Variants in FRMD3 observed in about 807,000 individuals in gnomAD.
The protein encoded by FRMD3 is FERM domain-containing protein 3.
A neutral mutation model predicts 70.2 loss-of-function variants in FRMD3; 33 were observed. The observed-to-expected ratio is 0.47, with a 90% CI of 0.36 to 0.63. FRMD3 has a LOEUF of 0.63. Among genes scored for constraint, FRMD3 ranks in the 20% least tolerant of loss-of-function variants. The pLI is 0.00. For missense variants in FRMD3, 632 were observed against 711.4 expected (o/e 0.89, Z 1.27); for synonymous variants, 279 against 255.9 (o/e 1.09, Z -0.86).
chr9:83,494,155 CT>C (rs1828889342), intron 1 of FRMD3, among the ~76,000 whole-genome samples: 1 of 152,218 alleles, frequency 6.6e-6, no homozygotes, highest in Admixed American at 6.5e-5. Flanking sequence ...CTGGGAAAGG[CT>C]AAGCCAACCC....
At chr9:83,401,524 T>C (rs950220001) in intron 1 of FRMD3, among the ~76,000 whole-genome samples, 1 of 152,200 alleles carries the variant, frequency 6.6e-6, no homozygotes, top group African/African-American at 2.4e-5. Context: ...TAGGCTAGAT[T>C]AAGCTGCAGT....
At chr9:83,416,131 C>T (rs1035830956) in intron 1 of FRMD3, among the ~76,000 whole-genome samples, 1 of 152,228 alleles carries the variant, frequency 6.6e-6, no homozygotes, top group Non-Finnish European at 1.5e-5. Context: ...GCACAGCACA[C>T]TTCCAGAGCT....
chr9:83,304,600 A>G (rs962186275), intron 10 of FRMD3, among the ~76,000 whole-genome samples: 1 of 152,254 alleles, frequency 6.6e-6, no homozygotes, highest in Non-Finnish European at 1.5e-5. Context: ...GAAATGTATT[A>G]GGAACTGCTT....
intron 13 of FRMD3, among the ~76,000 whole-genome samples, chr9:83,261,048 A>C (rs1832962033): frequency 6.6e-6 from 1 of 151,402 alleles, no homozygotes; most frequent in African/African-American, 2.4e-5. Flanking sequence ...TCTATTAAAA[A>C]CCTATGAAGA....
intron 6 of FRMD3, among the ~76,000 whole-genome samples, chr9:83,328,091 C>T (rs764866167): frequency 4.6e-5 from 7 of 151,742 alleles, no homozygotes; most frequent in Admixed American, 2.0e-4. Context: ...GCACAATGCA[C>T]GGAAACTCAA....
chr9:83,257,084 C>A (rs536527926), intron 13 of FRMD3, among the ~76,000 whole-genome samples: 3 of 152,124 alleles, frequency 2.0e-5, no homozygotes, highest in Non-Finnish European at 4.4e-5. Context: ...ATGTTCACTG[C>A]AGCACCATTC....
rs556000147 is a variant in FRMD3 at position 83,443,872 on chromosome 9, T to C, written c.148-54164A>G. Among the ~76,000 whole-genome samples, 7 of 152,354 alleles carry C rather than the reference T, an allele frequency of 4.6e-5. No homozygotes were observed. In the East Asian group the frequency reaches 1.3e-3, roughly 29 times the overall value. On this transcript the variant is annotated intron_variant, in intron 1 of 13. Coordinates refer to ENST00000304195, the MANE Select transcript of FRMD3 (RefSeq NM_174938.6). ...ATGGCATCTCATTGTGGTGAGAGTA[T>C]GTTTCTTTGGCAAGCAGGAAACACT...
intron 2 of FRMD3, among the ~76,000 whole-genome samples, chr9:83,378,738 T>TTATATTATATATAATA (rs1825251338): frequency 4.2e-5 from 5 of 118,602 alleles, no homozygotes; most frequent in Non-Finnish European, 4.8e-5. Context: ...TATATATACT[T>TTATATTATATATAATA]TATATTATAT....
chr9:83,442,505 A>T (rs1000233143), intron 1 of FRMD3, among the ~76,000 whole-genome samples: 1 of 151,998 alleles, frequency 6.6e-6, no homozygotes, highest in Non-Finnish European at 1.5e-5. Flanking sequence ...TGATCCACCC[A>T]CCTCGGCCTC....
intron 13 of FRMD3, among the ~76,000 whole-genome samples, chr9:83,288,509 A>C (rs1251358839): frequency 6.6e-6 from 1 of 152,236 alleles, no homozygotes; most frequent in South Asian, 2.1e-4. Context: ...AAACCCACAA[A>C]GATGTTCTAG....
intron 6 of FRMD3, among the ~76,000 whole-genome samples, chr9:83,329,231 T>G (rs1836147634): frequency 6.6e-6 from 1 of 152,176 alleles, no homozygotes; most frequent in African/African-American, 2.4e-5. Context: ...AGAAAGGTGC[T>G]ATACCAAATA....
intron 1 of FRMD3, among the ~76,000 whole-genome samples, chr9:83,463,031 C>T (rs1357686919): frequency 6.6e-6 from 1 of 152,132 alleles, no homozygotes; most frequent in Non-Finnish European, 1.5e-5. Context: ...CCTAATCTTG[C>T]TAGATTGCAA....
At chr9:83,559,202 G>A in the FRMD3 span, among the ~76,000 whole-genome samples, 1 of 152,180 alleles carries the variant, frequency 6.6e-6, no homozygotes, top group East Asian at 1.9e-4. Flanking sequence ...AAGAAAGGAA[G>A]AGTCCATTGA....
At chr9:83,277,195 T>C (rs1833822152) in intron 13 of FRMD3, among the ~76,000 whole-genome samples, 1 of 152,248 alleles carries the variant, frequency 6.6e-6, no homozygotes. Flanking sequence ...GAAATATTCA[T>C]GTGAAATGAA....
At chr9:83,362,176 TC>T (rs1554693041) in intron 3 of FRMD3, among the ~76,000 whole-genome samples, 1 of 3,618 alleles carries the variant, frequency 2.8e-4, no homozygotes, top group Non-Finnish European at 5.4e-4. Context: ...TGCTGTTGGT[TC>T]TCTCTCTCTC....
At chr9:83,550,310 T>G in the FRMD3 span, among the ~76,000 whole-genome samples, 1 of 152,326 alleles carries the variant, frequency 6.6e-6, no homozygotes, top group South Asian at 2.1e-4. Context: ...TCTATGTCCC[T>G]GTTTTTATAC....
At chr9:83,438,546 C>G (rs547428297) in intron 1 of FRMD3, among the ~76,000 whole-genome samples, 164 of 152,256 alleles carry the variant, frequency 1.1e-3, no homozygotes, top group Admixed American at 2.7e-3. Context: ...ATTACAGGTG[C>G]CTGTCACCAT....
intron 1 of FRMD3, among the ~76,000 whole-genome samples, chr9:83,529,026 TA>T (rs1829741432): frequency 6.6e-6 from 1 of 152,218 alleles, no homozygotes; most frequent in African/African-American, 2.4e-5. Flanking sequence ...AAAGTAGTGA[TA>T]AAAGCAGCAT....
At chr9:83,341,042 A>G (rs1183424023) in intron 5 of FRMD3, among the ~76,000 whole-genome samples, 1 of 152,220 alleles carries the variant, frequency 6.6e-6, no homozygotes, top group Non-Finnish European at 1.5e-5. Context: ...CTGTAAGAAT[A>G]AGATTGCTAA....
Sources: allele counts gnomAD v4.1 joint callset (sites outside exome capture counted in the v4.1 genomes callset), GRCh38; gene constraint gnomAD v4.1.1; transcripts MANE v1.5; gene names NCBI Gene and HGNC (gene_info 2026-07-23, HGNC 2026-07-21).